The following MEGF6 variants were observed in gnomAD, a reference collection of about 807,000 sequenced individuals.
MEGF6 encodes the protein multiple epidermal growth factor-like domains protein 6.
MEGF6 carries 184 observed loss-of-function variants against 207.1 expected under a neutral mutation model. The ratio of observed to expected loss-of-function variants is 0.89; its 90% CI spans 0.79 to 1.00. The LOEUF (loss-of-function observed/expected upper bound fraction) is 1.00, where lower values mean the gene tolerates loss of function less well. MEGF6 is among the 50% of genes least tolerant of loss of function. The probability of loss-of-function intolerance (pLI) is 0.00; values close to 1 mark genes in which losing one functional copy is unlikely to be tolerated. For missense variants in MEGF6, 2,282 were observed against 2,202.9 expected (o/e 1.04, Z -0.72); for synonymous variants, 1,038 against 910.0 (o/e 1.14, Z -2.53).
At chr1:3,588,884 G>T (rs1259768594) in intron 3 of MEGF6, among the ~76,000 whole-genome samples, 2 of 152,120 alleles carry the variant, frequency 1.3e-5, no homozygotes, top group Non-Finnish European at 2.9e-5. Flanking sequence ...CTGCACGGCA[G>T]GCCCAGCCCC....
At chr1:3,586,214 CAT>C (rs1165067995) in intron 3 of MEGF6, among the ~76,000 whole-genome samples, 10 of 151,774 alleles carry the variant, frequency 6.6e-5, no homozygotes, top group Non-Finnish European at 8.8e-5. Context: ...TGTGAGGACA[CAT>C]GTCCTGTGTG....
chr1:3,577,031 C>G (rs1643663246), intron 4 of MEGF6, among the ~76,000 whole-genome samples: 1 of 150,602 alleles, frequency 6.6e-6, no homozygotes, highest in Non-Finnish European at 1.5e-5. Context: ...CACACTCCAC[C>G]CCTGCACACC....
At chr1:3,497,406 G>A in intron 26 of MEGF6, 45 bp from the exon 27 acceptor site, 1 of 1,479,448 alleles carries the variant, frequency 6.8e-7, no homozygotes, top group Non-Finnish European at 9.0e-7. Flanking sequence ...AGGGGCCCGT[G>A]GGGATCTGTG....
chr1:3,498,742 T>G lies in MEGF6; in HGVS notation c.3179A>C (p.His1060Pro). ...GGCCCAGCCCTCTGGGCACGCACAG[T>G]GGCCTGAGACAGGGTCACAGGTCCC... is the stretch of plus-strand genomic sequence containing the variant. ...NGGTCDPVSG[H>P]CACPEGWAGL... Residue 1060 changes from histidine to proline, a missense_variant, in exon 25 of 37, where the codon CAC becomes CCC. Coordinates refer to ENST00000356575, the MANE Select transcript of MEGF6 (RefSeq NM_001409.4). 1 of 1,565,442 alleles carries G rather than the reference T, an allele frequency of 6.4e-7. No individual in the cohort carries two copies. Among genetic ancestry groups the G allele is most frequent in the Non-Finnish European group, 8.6e-7 (1 of 1,156,782 alleles).
At chr1:3,610,888 C>A (rs1191969584) in intron 1 of MEGF6, among the ~76,000 whole-genome samples, 1 of 151,936 alleles carries the variant, frequency 6.6e-6, no homozygotes, top group Admixed American at 6.5e-5. Context: ...CCTGCAGGAC[C>A]CACATCACGG....
At chr1:3,499,450 C>G in intron 23 of MEGF6, 138 bp downstream of exon 23, 1 of 1,422,472 alleles carries the variant, frequency 7.0e-7, no homozygotes, top group Non-Finnish European at 9.4e-7. Context: ...CGCTCTGGCC[C>G]GAGTGAGCAA....
rs1640524132 is a variant in MEGF6, at chr1:3,494,647, A to G, written c.3966T>C (p.Cys1322=). 6.4e-7 allele frequency: 1 copy of G among 1,564,688 alleles called. No homozygotes were observed. Among genetic ancestry groups the G allele is most frequent in the African/African-American group, 1.4e-5 (1 of 73,846 alleles). Residue 1322 remains cysteine, a synonymous_variant, in exon 31 of 37, where the codon TGT becomes TGC. Coordinates refer to ENST00000356575, the MANE Select transcript of MEGF6 (RefSeq NM_001409.4). ...AGTGCCGCCCCGTCCAGCCCAGGCC[A>G]CAGGAGCAGCTGCCGTTGCTGGCGT... ...LCHASNGSCS[C]GLGWTGRHCE... is the part of the protein sequence containing the mutation.
chr1:3,541,746 C>T (rs1230903895), intron 4 of MEGF6, among the ~76,000 whole-genome samples: 3 of 152,028 alleles, frequency 2.0e-5, no homozygotes, highest in East Asian at 3.9e-4. Context: ...AGGCCGAGCC[C>T]ACAGTGGCAG....
chr1:3,501,660 A>G, intron 18 of MEGF6, 136 bp downstream of exon 18: 1 of 1,182,830 alleles, frequency 8.5e-7, no homozygotes, highest in South Asian at 1.6e-5. Flanking sequence ...ACCCCAGGGG[A>G]GTGCACTGTG....
intron 36 of MEGF6, 117 bp from the exon 37 acceptor site, chr1:3,490,706 A>AGGTG: frequency 9.0e-7 from 1 of 1,106,900 alleles, no homozygotes; most frequent in Non-Finnish European, 1.3e-6. Flanking sequence ...TCAGCCCAGC[A>AGGTG]GGTGGGTGGG....
rs1236495772 is a variant in MEGF6, at chr1:3,510,887, GCA to G, written c.1128_1129del (p.Ala377ArgfsTer34). 3.1e-6 allele frequency: 5 copies of G among 1,607,826 alleles called. No homozygotes were observed. Among genetic ancestry groups the G allele is most frequent in the Non-Finnish European group, 3.4e-6 (4 of 1,175,974 alleles). ...CACCTGCTGGCAGCACGGGCTGTCT[GCA>G]CAGTCGTCGACATCTGTGGAGCACA... On this transcript the variant is annotated frameshift_variant, in exon 10 of 37. Transcript: ENST00000356575. LOFTEE classifies it high-confidence loss of function.
chr1:3,499,611 C>T lies in MEGF6; in HGVS notation c.2942G>A (p.Arg981His), dbSNP rs566191549. 99 of 1,585,234 alleles carry T rather than the reference C, an allele frequency of 6.2e-5. No individual in the cohort carries two copies. In the East Asian group the frequency reaches 2.0e-3, roughly 32 times the overall value. Residue 981 changes from arginine to histidine, a missense_variant, in exon 23 of 37, where the codon CGC (arginine) becomes CAC (histidine). By Grantham distance (29) the Arg-to-His change is conservative. Coordinates refer to ENST00000356575, the MANE Select transcript of MEGF6 (RefSeq NM_001409.4). ...VNGSCLCPAG[R>H]RGPRCAETCP... ...ACTCTCGGCACAGCGGGGGCCCCGG[C>T]GGCCAGCGGGGCAGAGGCAGGAGCC... is the stretch of plus-strand genomic sequence containing the variant.
intron 2 of MEGF6, among the ~76,000 whole-genome samples, chr1:3,598,178 C>A (rs1490540811): frequency 6.6e-6 from 1 of 152,214 alleles, no homozygotes; most frequent in Non-Finnish European, 1.5e-5. Context: ...GCCCTTGAGC[C>A]TCTGGGAGTG....
At position 3,501,853 on chromosome 1, in the gene MEGF6, C is replaced by T. The variant is rs749429997; in HGVS notation, c.2257G>A (p.Gly753Arg). The change falls in exon 18 of 37, where the codon GGG (glycine) becomes AGG (arginine). Residue 753 changes from glycine to arginine, a missense_variant. By Grantham distance (125) the Gly-to-Arg change is moderately radical (BLOSUM62 -2). Transcript: ENST00000356575. ...GGACACCGGCACTGCCCCGTGACCC[C>T]GTGGCAGGGGGCCCCCCCACAGGAG... ...SCSCGGAPCH[G>R]VTGQCRCPPG... is the part of the protein sequence containing the mutation. The T allele has an allele frequency of 1.5e-5, 24 of 1,607,944 alleles. No individual in the cohort carries two copies. Among genetic ancestry groups the T allele is most frequent in the African/African-American group, 8.1e-5 (6 of 74,524 alleles).
chr1:3,569,696 G>A (rs928756333), intron 4 of MEGF6, among the ~76,000 whole-genome samples: 7 of 152,232 alleles, frequency 4.6e-5, no homozygotes, highest in South Asian at 4.1e-4. Context: ...GCCTGCCACC[G>A]GGCTCAGTGG....
chr1:3,575,600 A>AG (rs879378684), intron 4 of MEGF6, among the ~76,000 whole-genome samples: 317 of 148,196 alleles, frequency 2.1e-3, no homozygotes, highest in Non-Finnish European at 3.9e-3. Context: ...AGGCCTCACA[A>AG]TCATGGCAGA....
At chr1:3,596,134 G>C (rs1020573781) in intron 2 of MEGF6, among the ~76,000 whole-genome samples, 1 of 152,104 alleles carries the variant, frequency 6.6e-6, no homozygotes, top group Admixed American at 6.5e-5. Context: ...GCACCATGGC[G>C]GGCAGGCAGG....
intron 2 of MEGF6, among the ~76,000 whole-genome samples, chr1:3,595,906 G>T (rs944155430): frequency 1.3e-5 from 2 of 152,188 alleles, no homozygotes; most frequent in African/African-American, 4.8e-5. Context: ...CCCGGGACCG[G>T]GTGGGCTGTG....
chr1:3,617,032 C>T, the MEGF6 span, among the ~76,000 whole-genome samples: 30 of 151,808 alleles, frequency 2.0e-4, no homozygotes, highest in African/African-American at 5.3e-4. Flanking sequence ...GCCTGGGCTG[C>T]GGCGTGCAGG....
Sources: gnomAD v4.1 joint callset for allele counts (sites outside exome capture counted in the v4.1 genomes callset) on GRCh38, gnomAD v4.1.1 for gene constraint, MANE v1.5 for transcripts, NCBI Gene and HGNC (gene_info 2026-07-23, HGNC 2026-07-21) for gene names.